ADAMTS16: variants seen among roughly 807,000 people sequenced by gnomAD.
ADAMTS16 encodes ADAM metallopeptidase with thrombospondin type 1 motif 16, also known as A disintegrin and metalloproteinase with thrombospondin motifs 16.
A neutral mutation model predicts 145.8 loss-of-function variants in ADAMTS16; 94 were observed. The ratio of observed to expected loss-of-function variants is 0.64; its 90% confidence interval spans 0.55 to 0.77. The LOEUF (loss-of-function observed/expected upper bound fraction) is 0.77, where lower values mean the gene tolerates loss of function less well. Ranked by LOEUF, ADAMTS16 falls within the 30% of genes least tolerant of loss-of-function variation. The pLI is 0.00. For synonymous variants in ADAMTS16, 659 were observed against 604.3 expected (o/e 1.09, Z -1.33); for missense variants, 1,585 against 1,591.5 (o/e 1.00, Z 0.07).
In ADAMTS16 at chr5:5,317,376, A is replaced by ATACTTACT. The variant is rs150411686; in HGVS notation, c.3412-743_3412-736dup. Among the ~76,000 whole-genome samples, 1 of 151,928 alleles carries ATACTTACT rather than the reference A, an allele frequency of 6.6e-6. No individual in the cohort carries two copies. Among genetic ancestry groups the ATACTTACT allele is most frequent in the South Asian group, 2.1e-4 (1 of 4,808 alleles). On this transcript the variant is annotated intron_variant, in intron 21 of 22. Transcript: ENST00000274181. The surrounding 1 kb of genome is among the most constrained non-coding windows in gnomAD (Gnocchi z 4.5). ...ATGAATATCAGCTTTTTTAATCAGTATACTTACTTACTTACTTACTTATTT... is the reference window on the plus strand; with the variant it reads ...ATGAATATCAGCTTTTTTAATCAGTATACTTACTTACTTACTTACTTACTTACTTATTT...
intron 3 of ADAMTS16, among the ~76,000 whole-genome samples, chr5:5,156,977 C>G (rs959519792): frequency 6.6e-6 from 1 of 152,184 alleles, no homozygotes; most frequent in Non-Finnish European, 1.5e-5. Flanking sequence ...TGCACTTGCT[C>G]TCCTGTTGAT....
At chr5:5,188,053 G>T (rs1258559939) in intron 6 of ADAMTS16, among the ~76,000 whole-genome samples, 1 of 152,088 alleles carries the variant, frequency 6.6e-6, no homozygotes, top group Non-Finnish European at 1.5e-5. Context: ...TAAGAAAATG[G>T]CATGTAAAAG....
At chr5:5,154,781 A>G (rs1031928920) in intron 3 of ADAMTS16, among the ~76,000 whole-genome samples, 1 of 152,168 alleles carries the variant, frequency 6.6e-6, no homozygotes, top group South Asian at 2.1e-4. Context: ...CAGAAGTGAG[A>G]TTTGTAGAGT....
chr5:5,263,708 G>A (rs924233390), intron 18 of ADAMTS16, among the ~76,000 whole-genome samples: 7 of 152,202 alleles, frequency 4.6e-5, no homozygotes, highest in African/African-American at 1.7e-4. Flanking sequence ...CCCAGAGGGG[G>A]TGTTAATGTG....
chr5:5,242,221 G>GCTC (rs1442892126), intron 17 of ADAMTS16, 30 bp downstream of exon 17: 1 of 1,609,780 alleles, frequency 6.2e-7, no homozygotes, highest in African/African-American at 1.3e-5. Context: ...GCTCCTGGAG[G>GCTC]CAGCATGTCA....
At chr5:5,157,020 T>C (rs1053849784) in intron 3 of ADAMTS16, among the ~76,000 whole-genome samples, 7 of 152,214 alleles carry the variant, frequency 4.6e-5, no homozygotes, top group African/African-American at 1.4e-4. Flanking sequence ...GCATGGATCA[T>C]TTTTACTGAC....
chr5:5,284,530 CAG>C (rs1222270028), intron 18 of ADAMTS16, among the ~76,000 whole-genome samples: 1 of 152,160 alleles, frequency 6.6e-6, no homozygotes, highest in Non-Finnish European at 1.5e-5. Flanking sequence ...TCTCCCTGCT[CAG>C]AGAGTGAGCA....
chr5:5,232,630 G>C, intron 12 of ADAMTS16, 114 bp downstream of exon 12: 1 of 1,275,910 alleles, frequency 7.8e-7, no homozygotes. Flanking sequence ...TTGAGATGGA[G>C]TCTCGCTCTG....
At chr5:5,226,287 G>A (rs1410265605) in intron 11 of ADAMTS16, among the ~76,000 whole-genome samples, 2 of 152,160 alleles carry the variant, frequency 1.3e-5, no homozygotes, top group Non-Finnish European at 1.5e-5. Flanking sequence ...TCGCAATCAT[G>A]GTGGAAGGCA....
chr5:5,304,527 C>T (rs542909424), intron 20 of ADAMTS16, among the ~76,000 whole-genome samples: 1 of 152,174 alleles, frequency 6.6e-6, no homozygotes, highest in African/African-American at 2.4e-5. Context: ...CTCTGCATTG[C>T]CACAGCAGCT....
rs889406286 is a variant in ADAMTS16 at position 5,310,102 on chromosome 5, C to T, written c.3411+3374C>T. On this transcript the variant is annotated intron_variant, in intron 21 of 22. Transcript: ENST00000274181. The surrounding 1 kb of genome is among the most constrained non-coding windows in gnomAD (Gnocchi z 4.3). ...TTAGTGCAGGTGCCTGTTGGGCAGC[C>T]GGGGTCAAGGTGTGAACAAAGGAGG... 4.6e-5 allele frequency among the ~76,000 whole-genome samples: 7 copies of T among 152,050 alleles called. No individual in the cohort carries two copies. Among genetic ancestry groups the T allele is most frequent in the East Asian group, 1.9e-4 (1 of 5,188 alleles).
chr5:5,141,195 T>C (rs1560920113), intron 2 of ADAMTS16, among the ~76,000 whole-genome samples: 1 of 152,324 alleles, frequency 6.6e-6, no homozygotes, highest in East Asian at 1.9e-4. Flanking sequence ...AAAATATTCC[T>C]CTATCGTTGC....
intron 14 of ADAMTS16, among the ~76,000 whole-genome samples, chr5:5,238,062 C>T (rs1737165014): frequency 6.6e-6 from 1 of 152,058 alleles, no homozygotes; most frequent in Admixed American, 6.5e-5. Flanking sequence ...CACTGAGATC[C>T]TTAGTGTAAT....
At chr5:5,205,596 G>A (rs1422405340) in intron 9 of ADAMTS16, among the ~76,000 whole-genome samples, 2 of 152,214 alleles carry the variant, frequency 1.3e-5, no homozygotes, top group Non-Finnish European at 2.9e-5. Flanking sequence ...ATTCTCATCA[G>A]TGTTTGACAT....
At chr5:5,240,261 G>A (rs1737248003) in intron 16 of ADAMTS16, among the ~76,000 whole-genome samples, 1 of 152,024 alleles carries the variant, frequency 6.6e-6, no homozygotes, top group Non-Finnish European at 1.5e-5. Flanking sequence ...CTGTGTCTGG[G>A]GTGGGATCAG....
In ADAMTS16 at chr5:5,308,261, A is replaced by G. The variant is rs1740267561; in HGVS notation, c.3411+1533A>G. ...CTTTCACAGGTCTTTGCCTGTCTCC[A>G]AAGACATTTCCCAAGTGATCAGCGT... is the stretch of plus-strand genomic sequence containing the variant. On this transcript the variant is annotated intron_variant, in intron 21 of 22. Coordinates refer to ENST00000274181, the MANE Select transcript of ADAMTS16 (RefSeq NM_139056.4). 2.6e-5 allele frequency among the ~76,000 whole-genome samples: 4 copies of G among 152,152 alleles called. No individual in the cohort carries two copies. The South Asian group carries it at 8.3e-4, about 32-fold the overall frequency.
intron 16 of ADAMTS16, 126 bp from the exon 17 acceptor site, chr5:5,241,927 G>A: frequency 8.8e-7 from 1 of 1,135,792 alleles, no homozygotes; most frequent in South Asian, 1.6e-5. Flanking sequence ...TAGTCTGAAT[G>A]TATTTTATCA....
chr5:5,200,106 C>CGT (rs1430142456), intron 8 of ADAMTS16, 26 bp from the exon 9 acceptor site: 1 of 1,034,376 alleles, frequency 9.7e-7, no homozygotes, highest in African/African-American at 2.0e-5. Flanking sequence ...CTGAAAGAAC[C>CGT]ATCTCTCTCT....
intron 9 of ADAMTS16, among the ~76,000 whole-genome samples, chr5:5,202,579 A>G (rs1025530170): frequency 1.3e-5 from 2 of 152,206 alleles, no homozygotes; most frequent in Non-Finnish European, 2.9e-5. Context: ...ACTCTGGGTA[A>G]CAAGGAAGAT....
Sources: allele counts gnomAD v4.1 joint callset (sites outside exome capture counted in the v4.1 genomes callset), GRCh38; gene constraint gnomAD v4.1.1; non-coding constraint Gnocchi (gnomAD v3.1); transcripts MANE v1.5; gene names NCBI Gene and HGNC (gene_info 2026-07-23, HGNC 2026-07-21).